Variants in FRMD1 observed in about 807,000 individuals in gnomAD.
The protein encoded by FRMD1 is FERM domain containing 1, also known as FERM domain-containing protein 1.
A neutral mutation model predicts 54.9 loss-of-function variants in FRMD1; 51 were observed. The observed-to-expected ratio is 0.93, with a 90% CI of 0.74 to 1.17. The LOEUF (loss-of-function observed/expected upper bound fraction) is 1.17, where lower values mean the gene tolerates loss of function less well. Among genes scored for constraint, FRMD1 ranks in the 50% most tolerant of loss-of-function variants. The pLI is 0.00. For synonymous variants in FRMD1, 324 were observed against 306.4 expected (o/e 1.06, Z -0.60); for missense variants, 729 against 743.0 (o/e 0.98, Z 0.22).
intron 2 of FRMD1, among the ~76,000 whole-genome samples, chr6:168,071,743 G>C (rs1404458483): frequency 6.6e-6 from 1 of 152,248 alleles, no homozygotes; most frequent in East Asian, 1.9e-4. Flanking sequence ...GCAGGGTAAA[G>C]ACAAGGCAAA....
At chr6:168,079,796 G>A (rs557259137), upstream of FRMD1, among the ~76,000 whole-genome samples, 415 of 152,336 alleles carry the variant, frequency 2.7e-3, 1 homozygote, top group Non-Finnish European at 4.6e-3. Flanking sequence ...TGGCTTGCGT[G>A]GACAGCAGCC....
Position 168,061,042 on chromosome 6 carries a change from C to T in FRMD1, c.1061G>A (p.Arg354Gln), listed in dbSNP as rs753980243. 30 of 1,608,622 alleles carry T rather than the reference C, an allele frequency of 1.9e-5. No individual in the cohort carries two copies. Among genetic ancestry groups the T allele is most frequent in the Non-Finnish European group, 2.5e-5 (29 of 1,176,724 alleles). Residue 354 changes from arginine to glutamine, a missense_variant, in exon 9 of 11, where the codon CGG becomes CAG. Physicochemically the swap from Arg to Gln is conservative, Grantham distance 43. Coordinates refer to ENST00000283309, the MANE Select transcript of FRMD1 (RefSeq NM_024919.6). ...CAGCTCATCGCTGATATAGGACTCC[C>T]GGTAGTGCTGCTTCTCTGTGGGGAG... ...REEAEEKQHY[R>Q]ESYISDELEL...
chr6:168,073,185 C>T (rs1800394196), intron 2 of FRMD1, among the ~76,000 whole-genome samples: 2 of 150,378 alleles, frequency 1.3e-5, no homozygotes, highest in Non-Finnish European at 3.0e-5. Context: ...TTTCCCACCT[C>T]CCCACCCCCA....
intron 1 of FRMD1, among the ~76,000 whole-genome samples, chr6:168,089,377 G>C (rs1189759991): frequency 1.3e-5 from 2 of 152,204 alleles, no homozygotes; most frequent in Non-Finnish European, 2.9e-5. Context: ...TAAGGCCCGT[G>C]GCCCTGGAGG....
rs1799828169 is a variant in FRMD1, at chr6:168,062,917, G to A, written c.847C>T (p.Leu283Phe). The change falls in exon 7 of 11, where the codon CTC becomes TTC. Residue 283 changes from leucine (L) to phenylalanine (F), a missense_variant. Leu to Phe is a conservative substitution (Grantham distance 22). Transcript: ENST00000283309. ...ACCTGGTAGATGTGCACTCCCCTGAGGGCCAGTCCCAGGATCACGGTGGGA... is the reference window on the plus strand; with the variant it reads ...ACCTGGTAGATGTGCACTCCCCTGAAGGCCAGTCCCAGGATCACGGTGGGA... The part of the protein sequence containing the change: ...GRPTVILGLA[L>F]RGVHIYQGKK... The A allele has an allele frequency of 6.2e-7, 1 of 1,614,126 alleles. No homozygotes were observed. Among genetic ancestry groups the A allele is most frequent in the Non-Finnish European group, 8.5e-7 (1 of 1,179,976 alleles).
At chr6:168,066,547 C>T (rs949025381) in intron 4 of FRMD1, 9 of 1,284,554 alleles carry the variant, frequency 7.0e-6, no homozygotes, top group Non-Finnish European at 8.8e-6. Flanking sequence ...AAAAGAAGTA[C>T]CAATTTATGA....
rs577971489 is a variant in FRMD1 at position 168,066,750 on chromosome 6, G to T, written c.461+5C>A. The T allele has an allele frequency of 6.2e-7, 1 of 1,611,782 alleles. No homozygotes were observed. The highest frequency in any genetic ancestry group is 1.3e-5 in the African/African-American group (1 of 74,770). On this transcript the variant is annotated splice_donor_5th_base_variant and intron_variant, in intron 4 of 10. Coordinates refer to ENST00000283309, the MANE Select transcript of FRMD1 (RefSeq NM_024919.6). ...AAACACCCCTTACAGTCCGCATGCC[G>T]TTACCTTATGACCCTTCCGTTTTCC... is the stretch of plus-strand genomic sequence containing the variant.
intron 1 of FRMD1, among the ~76,000 whole-genome samples, chr6:168,089,001 C>G (rs1011057718): frequency 1.4e-5 from 2 of 147,516 alleles, no homozygotes; most frequent in Non-Finnish European, 3.0e-5. Context: ...CAGTTTGGCT[C>G]CTGGGGAATG....
intron 5 of FRMD1, 75 bp downstream of exon 5, chr6:168,064,796 C>A: frequency 6.7e-7 from 1 of 1,497,664 alleles, no homozygotes; most frequent in Non-Finnish European, 9.0e-7. Context: ...GTCCCCTGCT[C>A]CCATGGATGG....
intron 3 of FRMD1, 151 bp from the exon 4 acceptor site, chr6:168,066,982 T>C (rs1256422199): frequency 1.1e-5 from 11 of 992,942 alleles, no homozygotes; most frequent in African/African-American, 1.6e-5. Context: ...ATTCGACTCA[T>C]GGTATTTTCT....
chr6:168,087,436 A>G (rs77217777), intron 1 of FRMD1, among the ~76,000 whole-genome samples: 1,693 of 152,302 alleles, frequency 0.011, 36 homozygotes, highest in African/African-American at 0.039. Context: ...AGTGGGGTAC[A>G]TGTTGGTCAG....
chr6:168,082,868 T>C (rs936367857), upstream of FRMD1, among the ~76,000 whole-genome samples: 5 of 152,126 alleles, frequency 3.3e-5, no homozygotes, highest in African/African-American at 1.2e-4. Flanking sequence ...CGCAGCAGGG[T>C]ACAGGGCCTG....
intron 4 of FRMD1, 154 bp from the exon 5 acceptor site, chr6:168,065,211 G>A (rs1201121037): frequency 1.4e-6 from 2 of 1,416,670 alleles, no homozygotes; most frequent in Non-Finnish European, 1.8e-6. Flanking sequence ...CTGTGTCCCT[G>A]CAGGGCCAGC....
chr6:168,065,122 T>C, intron 4 of FRMD1, 65 bp from the exon 5 acceptor site: 1 of 1,526,386 alleles, frequency 6.6e-7, no homozygotes, highest in Non-Finnish European at 8.8e-7. Flanking sequence ...CCTCTGGCCC[T>C]GCCTTGTCCC....
At chr6:168,078,189 G>A (rs4708632) in intron 1 of FRMD1, among the ~76,000 whole-genome samples, 120,940 of 151,968 alleles carry the variant, frequency 0.8, 48,202 homozygotes, top group Middle Eastern at 0.87. Flanking sequence ...AACTCCTGTC[G>A]CCATGAACTC....
In FRMD1 at chr6:168,056,497, A is replaced by G. The variant is rs1583158867; in HGVS notation, c.*600T>C. ...AGCCATTGACTGTGGATGGTGGAGG[A>G]GGGTCTCTGGCTGGATCTCAGGTGA... On this transcript the variant is annotated 3_prime_UTR_variant, in exon 11 of 11. Transcript: ENST00000283309. 6.6e-6 allele frequency: 1 copy of G among 152,352 alleles called. No homozygotes were observed. The highest frequency in any genetic ancestry group is 1.5e-5 in the Non-Finnish European group (1 of 68,126). 9.4% of individuals were successfully genotyped at this position (152,352 alleles called of 1,614,324 possible).
upstream of FRMD1, chr6:168,081,597 G>T: frequency 7.7e-7 from 1 of 1,306,664 alleles, no homozygotes; most frequent in Non-Finnish European, 1.0e-6. Context: ...AAGCTTCGGA[G>T]CTCTAGGTCC....
chr6:168,061,022 C>A lies in FRMD1; in HGVS notation c.1081G>T (p.Glu361Ter). Reference protein sequence around the residue: ...QHYRESYISDELELDLASRSF... With the variant: ...QHYRESYISD Reference sequence around the variant, plus strand: ...CTGCTGGCCAGGTCCAGCTCCAGCTCATCGCTGATATAGGACTCCCGGTAG... The same window carrying A: ...CTGCTGGCCAGGTCCAGCTCCAGCTAATCGCTGATATAGGACTCCCGGTAG... The change falls in exon 9 of 11, where the codon GAG (glutamate) becomes TAG (stop). Residue 361 changes from glutamate (E) to a stop codon, truncating the protein, a stop_gained. Transcript: ENST00000283309. LOFTEE classifies it high-confidence loss of function. The A allele has an allele frequency of 6.2e-7, 1 of 1,612,722 alleles. No individual in the cohort carries two copies. The highest frequency in any genetic ancestry group is 1.1e-5 in the South Asian group (1 of 91,032).
At chr6:168,075,113 G>A in intron 2 of FRMD1, 132 bp downstream of exon 2, 1 of 729,414 alleles carries the variant, frequency 1.4e-6, no homozygotes, top group Non-Finnish European at 2.4e-6. Flanking sequence ...TGTGCATGGT[G>A]TGTGCATGTG....
Sources: allele counts gnomAD v4.1 joint callset (sites outside exome capture counted in the v4.1 genomes callset), GRCh38; gene constraint gnomAD v4.1.1; transcripts MANE v1.5; gene names NCBI Gene and HGNC (gene_info 2026-07-23, HGNC 2026-07-21).